Variants in SNX31 observed in about 807,000 individuals in gnomAD.
The protein encoded by SNX31 is sorting nexin 31, also known as sorting nexin-31.
A neutral mutation model predicts 65.4 loss-of-function variants in SNX31; 58 were observed. That is an observed-to-expected ratio of 0.89 (90% CI 0.72 to 1.10). SNX31 has a LOEUF of 1.10. Ranked by LOEUF, SNX31 falls within the 50% of genes least tolerant of loss-of-function variation. SNX31 has a pLI of 0.00. For missense variants in SNX31, 523 were observed against 529.7 expected (o/e 0.99, Z 0.12); for synonymous variants, 181 against 190.1 (o/e 0.95, Z 0.39).
At chr8:100,595,588 G>A (rs1815005597) in intron 10 of SNX31, among the ~76,000 whole-genome samples, 1 of 152,206 alleles carries the variant, frequency 6.6e-6, no homozygotes, top group Non-Finnish European at 1.5e-5. Context: ...GCACTTAAAT[G>A]TGTAGGGTCA....
rs1376393092 is a variant in SNX31 at position 100,619,577 on chromosome 8, C to T, written c.322-1847G>A. ...GCTGCTATAGGGAGAGGGAGGACAC[C>T]AGGAGGAAGCAGGATCCAGAGAGGC... is the stretch of plus-strand genomic sequence containing the variant. On this transcript the variant is annotated intron_variant, in intron 4 of 13. Coordinates refer to ENST00000311812, the MANE Select transcript of SNX31 (RefSeq NM_152628.4). Among the ~76,000 whole-genome samples the T allele has an allele frequency of 2.6e-5, 4 of 152,320 alleles. No homozygotes were observed. The East Asian group carries it at 7.7e-4, about 29-fold the overall frequency.
chr8:100,634,514 A>C (rs541232314), intron 3 of SNX31, among the ~76,000 whole-genome samples: 1 of 151,958 alleles, frequency 6.6e-6, no homozygotes, highest in South Asian at 2.1e-4. Context: ...TGGGAAGCTG[A>C]AGTGGGCAGA....
At position 100,613,812 on chromosome 8, in the gene SNX31, C is replaced by G. The variant is rs35113558; in HGVS notation, c.433-727G>C. 0.016 allele frequency among the ~76,000 whole-genome samples: 2,437 copies of G among 152,246 alleles called. 36 individuals are homozygous for G. Among genetic ancestry groups the G allele is most frequent in the Non-Finnish European group, 0.026 (1,750 of 68,010 alleles). On this transcript the variant is annotated intron_variant, in intron 5 of 13. Transcript: ENST00000311812. The surrounding 1 kb of genome is among the most constrained non-coding windows in gnomAD (Gnocchi z 5.2). ...CGCTCCCTTAGCAGAAAATTCTACA[C>G]GACCACAGGCTTCCTCCCTGCCATC...
chr8:100,658,006 A>T (rs1166655747), intron 1 of SNX31: 1 of 354,422 alleles, frequency 2.8e-6, no homozygotes, highest in Non-Finnish European at 5.5e-6. Context: ...AGACCTCGGC[A>T]GGTCAGTTCA....
At chr8:100,640,631 T>C (rs907975036) in intron 2 of SNX31, among the ~76,000 whole-genome samples, 1 of 152,162 alleles carries the variant, frequency 6.6e-6, no homozygotes, top group African/African-American at 2.4e-5. Context: ...CAGATGATAG[T>C]AGGTACTCTT....
Position 100,614,516 on chromosome 8 carries a change from C to T in SNX31, c.433-1431G>A, listed in dbSNP as rs1486406610. Among the ~76,000 whole-genome samples, 2 of 152,118 alleles carry T rather than the reference C, an allele frequency of 1.3e-5. No individual in the cohort carries two copies. Among genetic ancestry groups the T allele is most frequent in the African/African-American group, 4.8e-5 (2 of 41,424 alleles). Reference sequence around the variant, plus strand: ...CTCTTAGCAAATGTTAATGATGATTCAAAACACGAACGCCATCACTAGCAC... The same window carrying T: ...CTCTTAGCAAATGTTAATGATGATTTAAAACACGAACGCCATCACTAGCAC... On this transcript the variant is annotated intron_variant, in intron 5 of 13. Coordinates refer to ENST00000311812, the MANE Select transcript of SNX31 (RefSeq NM_152628.4). This position sits in a 1 kb window ranked among gnomAD's most constrained non-coding sequence, Gnocchi z 5.1.
rs1784364094 is a variant in SNX31 at position 100,614,812 on chromosome 8, GAGGTTGC to G, written c.433-1734_433-1728del. 6.6e-6 allele frequency among the ~76,000 whole-genome samples: 1 copy of G among 152,210 alleles called. No individual in the cohort carries two copies. The highest frequency in any genetic ancestry group is 6.5e-5 in the Admixed American group (1 of 15,286). ...GAGAATCGCTTGAACCTGGGAGGCA[GAGGTTGC>G]AGTGAGCCAAGATTGTACCATTGCA... On this transcript the variant is annotated intron_variant, in intron 5 of 13. Coordinates refer to ENST00000311812, the MANE Select transcript of SNX31 (RefSeq NM_152628.4). The surrounding 1 kb of genome is among the most constrained non-coding windows in gnomAD (Gnocchi z 5.1).
At chr8:100,581,715 G>A (rs944124162) in intron 12 of SNX31, among the ~76,000 whole-genome samples, 8 of 152,066 alleles carry the variant, frequency 5.3e-5, no homozygotes, top group Non-Finnish European at 8.8e-5. Flanking sequence ...GTCCATACAA[G>A]CCTTCTATAA....
Position 100,648,215 on chromosome 8 carries a change from T to C in SNX31, c.141+1059A>G, listed in dbSNP as rs540631863. 2.0e-5 allele frequency among the ~76,000 whole-genome samples: 3 copies of C among 152,122 alleles called. No homozygotes were observed. The highest frequency in any genetic ancestry group is 2.1e-4 in the South Asian group (1 of 4,822). ...AGATGGTTAAATGAAACATGGTGTA[T>C]CTAACTCACTAGAAACCCAGAGACT... is the stretch of plus-strand genomic sequence containing the variant. On this transcript the variant is annotated intron_variant, in intron 2 of 13. Coordinates refer to ENST00000311812, the MANE Select transcript of SNX31 (RefSeq NM_152628.4). The surrounding 1 kb of genome is among the most constrained non-coding windows in gnomAD (Gnocchi z 4.3).
rs148634680 is a variant in SNX31, at chr8:100,635,953, A to G, written c.200T>C (p.Met67Thr). Reference protein sequence around the residue: ...PPFPPKYYLAMTTAMADERRD... With the variant: ...PPFPPKYYLATTTAMADERRD... ...CCTCTCATCAGCCATAGCTGTGGTC[A>G]TTGCCAGATAGTACTTTGGTGGGAA... The change falls in exon 3 of 14, where the codon ATG becomes ACG. Residue 67 changes from methionine to threonine, a missense_variant. By Grantham distance (81) the Met-to-Thr change is moderately conservative. Transcript: ENST00000311812. 2 of 1,614,150 alleles carry G rather than the reference A, an allele frequency of 1.2e-6. No individual in the cohort carries two copies. The highest frequency in any genetic ancestry group is 8.5e-7 in the Non-Finnish European group (1 of 1,180,010).
intron 2 of SNX31, among the ~76,000 whole-genome samples, chr8:100,642,347 G>C (rs943354840): frequency 7.8e-6 from 1 of 127,804 alleles, no homozygotes; most frequent in Non-Finnish European, 1.8e-5. Flanking sequence ...GCATGTGTTC[G>C]TAAATGTCGC....
intron 3 of SNX31, among the ~76,000 whole-genome samples, chr8:100,633,647 T>G (rs1008028134): frequency 1.3e-5 from 2 of 152,022 alleles, no homozygotes; most frequent in Admixed American, 1.3e-4. Context: ...TCAGATGATC[T>G]GCCCACCTCA....
At position 100,649,315 on chromosome 8, in the gene SNX31, A is replaced by G. The variant is rs139779991; in HGVS notation, c.100T>C (p.Cys34Arg). ...TGCAGCTGGCTGTAGCGCACCCTGCAGAAGAGGAACCCGTCCAGGTGCACG... is the reference window on the plus strand; with the variant it reads ...TGCAGCTGGCTGTAGCGCACCCTGCGGAAGAGGAACCCGTCCAGGTGCACG... The part of the protein sequence containing the change: ...YSVHLDGFLF[C>R]RVRYSQLHGW... Residue 34 changes from cysteine to arginine, a missense_variant, in exon 2 of 14, where the codon TGC becomes CGC. Transcript: ENST00000311812. 323 of 1,613,988 alleles carry G rather than the reference A, an allele frequency of 2.0e-4. No homozygotes were observed. Among genetic ancestry groups the G allele is most frequent in the Non-Finnish European group, 2.7e-4 (314 of 1,179,962 alleles).
intron 10 of SNX31, among the ~76,000 whole-genome samples, chr8:100,592,968 T>A (rs1280010384): frequency 1.3e-5 from 2 of 152,132 alleles, no homozygotes. Flanking sequence ...ATATAAATTA[T>A]CCAGAATAGG....
At position 100,625,008 on chromosome 8, in the gene SNX31, A is replaced by C. The variant is rs1398764057; in HGVS notation, c.321+5319T>G. Reference sequence around the variant, plus strand: ...TATTTTTTTGTAGAGACAGAGTCTCACTATGTTGCCCAGGCTGGTCTTCAA... The same window carrying C: ...TATTTTTTTGTAGAGACAGAGTCTCCCTATGTTGCCCAGGCTGGTCTTCAA... On this transcript the variant is annotated intron_variant, in intron 4 of 13. Coordinates refer to ENST00000311812, the MANE Select transcript of SNX31 (RefSeq NM_152628.4). The surrounding 1 kb of genome is among the most constrained non-coding windows in gnomAD (Gnocchi z 4.2). Among the ~76,000 whole-genome samples the C allele has an allele frequency of 6.6e-6, 1 of 152,054 alleles. No individual in the cohort carries two copies. The highest frequency in any genetic ancestry group is 2.4e-5 in the African/African-American group (1 of 41,380).
At chr8:100,647,514 C>T (rs1819719121) in intron 2 of SNX31, among the ~76,000 whole-genome samples, 2 of 152,096 alleles carry the variant, frequency 1.3e-5, no homozygotes, top group African/African-American at 4.8e-5. Context: ...GTAAGGAGGG[C>T]CAGATTCAGG....
At chr8:100,619,479 A>G (rs1371746312) in intron 4 of SNX31, among the ~76,000 whole-genome samples, 1 of 152,222 alleles carries the variant, frequency 6.6e-6, no homozygotes, top group Admixed American at 6.5e-5. Flanking sequence ...GATCTGTGAC[A>G]TTCTTGGGAT....
At chr8:100,583,173 C>T (rs1349424715) in intron 12 of SNX31, among the ~76,000 whole-genome samples, 1 of 150,644 alleles carries the variant, frequency 6.6e-6, no homozygotes, top group Non-Finnish European at 1.5e-5. Context: ...ATGGTGTCAT[C>T]TTGGCTCACT....
intron 12 of SNX31, chr8:100,582,568 G>T (rs1408236683): frequency 2.6e-5 from 4 of 152,104 alleles, no homozygotes; most frequent in Non-Finnish European, 5.9e-5. Flanking sequence ...AGAAGAAAGA[G>T]AAATAATTAC....
Sources: allele counts gnomAD v4.1 joint callset (sites outside exome capture counted in the v4.1 genomes callset), GRCh38; gene constraint gnomAD v4.1.1; non-coding constraint Gnocchi (gnomAD v3.1); transcripts MANE v1.5; gene names NCBI Gene and HGNC (gene_info 2026-07-23, HGNC 2026-07-21).